Variants in TMEM135 observed in about 807,000 individuals in gnomAD.
The protein encoded by TMEM135 is peroxisomal membrane protein 52.
Under a neutral mutation model 60.3 loss-of-function variants are expected in TMEM135, and 30 were observed. The ratio of observed to expected loss-of-function variants is 0.50; its 90% CI spans 0.37 to 0.68. The LOEUF is 0.68. TMEM135 is among the 30% of genes least tolerant of loss of function. TMEM135 has a pLI of 0.00. For synonymous variants in TMEM135, 190 were observed against 186.7 expected, an observed-to-expected ratio of 1.02 and a Z score of -0.14; for missense variants, 468 against 548.8, an observed-to-expected ratio of 0.85 and a Z score of 1.47.
At chr11:87,078,581 G>A (rs1023722361) in intron 3 of TMEM135, among the ~76,000 whole-genome samples, 3 of 152,074 alleles carry the variant, frequency 2.0e-5, no homozygotes, top group African/African-American at 7.2e-5. Flanking sequence ...TTTTGATGAA[G>A]AAGTCCAAGT....
intron 6 of TMEM135, among the ~76,000 whole-genome samples, chr11:87,291,847 G>A (rs1942271210): frequency 6.6e-6 from 1 of 152,000 alleles, no homozygotes; most frequent in Admixed American, 6.6e-5. Context: ...CCGGCCTCAA[G>A]TGATTCTTTT....
chr11:87,224,802 G>A (rs1176465445), intron 5 of TMEM135, among the ~76,000 whole-genome samples: 1 of 147,838 alleles, frequency 6.8e-6, no homozygotes, highest in African/African-American at 2.5e-5. Context: ...TAACATGTTT[G>A]GCAGCATTAG....
At chr11:87,319,277 T>C (rs1259636132) in intron 13 of TMEM135, 33 bp from the exon 14 acceptor site, 2 of 1,540,170 alleles carry the variant, frequency 1.3e-6, no homozygotes, top group Admixed American at 1.7e-5. Context: ...TTCATTTATA[T>C]TTACTAAAAG....
rs551802908 is a variant in TMEM135, at chr11:87,119,896, A to C, written c.396+28501A>C. Among the ~76,000 whole-genome samples, 11 of 152,256 alleles carry C rather than the reference A, an allele frequency of 7.2e-5. No homozygotes were observed. The East Asian group carries it at 1.7e-3, about 24-fold the overall frequency. ...AACCTTTACTTTTTTAAAAAAAAAA[A>C]AACAGTATCTGTGAAGTGCAATAAA... On this transcript the variant is annotated intron_variant, in intron 4 of 14. Transcript: ENST00000305494.
intron 1 of TMEM135, among the ~76,000 whole-genome samples, chr11:87,057,830 T>TA (rs1949908250): frequency 6.6e-6 from 1 of 151,982 alleles, no homozygotes; most frequent in Non-Finnish European, 1.5e-5. Flanking sequence ...TGTGTGTGTA[T>TA]AAAATAAGGA....
intron 4 of TMEM135, among the ~76,000 whole-genome samples, chr11:87,140,337 G>T (rs1377353032): frequency 6.6e-6 from 1 of 152,204 alleles, no homozygotes; most frequent in African/African-American, 2.4e-5. Flanking sequence ...AAAGTGCTGG[G>T]ATTACAGGTG....
At chr11:87,061,936 T>C (rs1949951034) in intron 1 of TMEM135, among the ~76,000 whole-genome samples, 1 of 152,234 alleles carries the variant, frequency 6.6e-6, no homozygotes, top group Non-Finnish European at 1.5e-5. Flanking sequence ...TAATCAACTC[T>C]GCTTATTGCT....
At chr11:87,262,804 G>A (rs1426444400) in intron 6 of TMEM135, among the ~76,000 whole-genome samples, 1 of 151,628 alleles carries the variant, frequency 6.6e-6, no homozygotes, top group Admixed American at 6.6e-5. Context: ...CATAGCAGTA[G>A]CATGAGATTT....
intron 6 of TMEM135, among the ~76,000 whole-genome samples, chr11:87,251,719 G>A (rs1277361371): frequency 6.6e-6 from 1 of 152,076 alleles, no homozygotes; most frequent in Non-Finnish European, 1.5e-5. Context: ...TTAAAAAGCT[G>A]CTGTGACTCA....
intron 6 of TMEM135, among the ~76,000 whole-genome samples, chr11:87,248,346 A>G (rs1941337041): frequency 6.6e-6 from 1 of 152,210 alleles, no homozygotes; most frequent in African/African-American, 2.4e-5. Context: ...TTTTCTTCAC[A>G]TCTTCTCACA....
chr11:87,287,256 A>G (rs1004298317), intron 6 of TMEM135, among the ~76,000 whole-genome samples: 2 of 152,242 alleles, frequency 1.3e-5, no homozygotes, highest in Admixed American at 1.3e-4. Flanking sequence ...TGTCTTCTGT[A>G]TATTAGATGC....
intron 5 of TMEM135, among the ~76,000 whole-genome samples, chr11:87,191,138 C>T (rs1416942386): frequency 2.0e-5 from 3 of 152,120 alleles, no homozygotes; most frequent in African/African-American, 4.8e-5. Context: ...AAGTTTGCTT[C>T]GTCCTTATGT....
chr11:87,186,722 G>A (rs1939663611), intron 5 of TMEM135, among the ~76,000 whole-genome samples: 1 of 152,006 alleles, frequency 6.6e-6, no homozygotes, highest in Admixed American at 6.6e-5. Flanking sequence ...TTAATAGTAG[G>A]AAAATATAAA....
chr11:87,232,733 A>G (rs781772637), intron 5 of TMEM135, among the ~76,000 whole-genome samples: 9 of 152,158 alleles, frequency 5.9e-5, no homozygotes, highest in Non-Finnish European at 5.9e-5. Context: ...TTATTGGAAG[A>G]TTTGTATTCT....
chr11:87,157,073 T>C (rs1442115244), intron 4 of TMEM135, among the ~76,000 whole-genome samples: 3 of 110,522 alleles, frequency 2.7e-5, no homozygotes, highest in Admixed American at 9.9e-5. Flanking sequence ...TTCTTTCTTT[T>C]GTTTTTTTTT....
intron 4 of TMEM135, among the ~76,000 whole-genome samples, chr11:87,116,328 A>G (rs148144435): frequency 1.3e-5 from 2 of 152,316 alleles, no homozygotes; most frequent in South Asian, 2.1e-4. Context: ...GCTTTCCAAC[A>G]TATGGCTTCA....
intron 3 of TMEM135, among the ~76,000 whole-genome samples, chr11:87,079,297 C>T (rs2512389): frequency 0.22 from 32,912 of 152,100 alleles, 4,206 homozygotes; most frequent in East Asian, 0.52. Context: ...TGAGCCACTG[C>T]GCCTGGCCAT....
intron 3 of TMEM135, among the ~76,000 whole-genome samples, chr11:87,074,396 CT>C (rs1850737683): frequency 6.6e-6 from 1 of 152,016 alleles, no homozygotes; most frequent in African/African-American, 2.4e-5. Flanking sequence ...TAGAGTTATT[CT>C]GGTGATGGTA....
intron 14 of TMEM135, among the ~76,000 whole-genome samples, chr11:87,320,712 C>T (rs947618308): frequency 6.6e-6 from 1 of 152,002 alleles, no homozygotes; most frequent in African/African-American, 2.4e-5. Context: ...TGCTGTTTGC[C>T]TTTTAGTCAT....
Sources: allele counts gnomAD v4.1 joint callset (sites outside exome capture counted in the v4.1 genomes callset), GRCh38; gene constraint gnomAD v4.1.1; transcripts MANE v1.5; gene names NCBI Gene and HGNC (gene_info 2026-07-23, HGNC 2026-07-21).